The following MCTP1 variants were observed in gnomAD, a reference collection of about 807,000 sequenced individuals.
MCTP1 encodes the protein multiple C2 and transmembrane domain containing 1.
MCTP1 carries 69 observed loss-of-function variants against 120.6 expected under a neutral mutation model. That is an observed-to-expected ratio of 0.57 (90% CI 0.47 to 0.70). The LOEUF (loss-of-function observed/expected upper bound fraction) is 0.70, where lower values mean the gene tolerates loss of function less well. Among genes scored for constraint, MCTP1 ranks in the 30% least tolerant of loss-of-function variants. MCTP1 has a pLI of 0.00. For synonymous variants in MCTP1, 529 were observed against 493.1 expected, an observed-to-expected ratio of 1.07 and a Z score of -0.96; for missense variants, 1,203 against 1,248.8, an observed-to-expected ratio of 0.96 and a Z score of 0.55.
intron 8 of MCTP1, among the ~76,000 whole-genome samples, chr5:94,916,542 C>A (rs1366634557): frequency 6.6e-6 from 1 of 152,138 alleles, no homozygotes; most frequent in Non-Finnish European, 1.5e-5. Flanking sequence ...TACTTATTTT[C>A]AGAATCAAAG....
chr5:95,206,970 T>C (rs1751696124), intron 1 of MCTP1, among the ~76,000 whole-genome samples: 1 of 152,206 alleles, frequency 6.6e-6, no homozygotes, highest in African/African-American at 2.4e-5. Context: ...GAAGTCAAAT[T>C]ATATATTTAT....
At chr5:95,005,391 G>T (rs1376094694) in intron 2 of MCTP1, among the ~76,000 whole-genome samples, 1 of 149,412 alleles carries the variant, frequency 6.7e-6, no homozygotes, top group Non-Finnish European at 1.5e-5. Context: ...AGACATGATT[G>T]TGTTTTAAAA....
chr5:95,076,767 G>A (rs930443032), intron 1 of MCTP1, among the ~76,000 whole-genome samples: 1 of 152,188 alleles, frequency 6.6e-6, no homozygotes, highest in Non-Finnish European at 1.5e-5. Context: ...TTGTTTAGGG[G>A]TGGGGGAAAA....
chr5:95,163,536 A>C (rs920692040), intron 1 of MCTP1, among the ~76,000 whole-genome samples: 1 of 152,180 alleles, frequency 6.6e-6, no homozygotes, highest in Non-Finnish European at 1.5e-5. Context: ...CTATATAGAG[A>C]GCAGTAGGAC....
chr5:94,917,755 A>C, intron 8 of MCTP1, 141 bp downstream of exon 8: 1 of 608,146 alleles, frequency 1.6e-6, no homozygotes, highest in South Asian at 2.2e-5. Flanking sequence ...TCCTTGAAAA[A>C]AATTAAGATT....
chr5:95,135,949 G>T (rs1485603981), intron 1 of MCTP1, among the ~76,000 whole-genome samples: 1 of 152,200 alleles, frequency 6.6e-6, no homozygotes, highest in Non-Finnish European at 1.5e-5. Context: ...ACAAGCAAAT[G>T]TATTGAAAGC....
intron 1 of MCTP1, among the ~76,000 whole-genome samples, chr5:95,033,956 C>T (rs1199400847): frequency 6.6e-6 from 1 of 151,834 alleles, no homozygotes; most frequent in African/African-American, 2.4e-5. Flanking sequence ...AGTAAGAACT[C>T]AATCCCATTT....
intron 1 of MCTP1, among the ~76,000 whole-genome samples, chr5:95,047,188 G>A (rs763664893): frequency 3.3e-5 from 5 of 152,164 alleles, no homozygotes; most frequent in Non-Finnish European, 5.9e-5. Flanking sequence ...CTTGAAGACC[G>A]TTTGCTTTCC....
intron 1 of MCTP1, among the ~76,000 whole-genome samples, chr5:95,258,436 A>G (rs1444209112): frequency 6.6e-6 from 1 of 152,226 alleles, no homozygotes; most frequent in African/African-American, 2.4e-5. Flanking sequence ...AAAAACAAGA[A>G]AAGTTTGAGA....
intron 2 of MCTP1, among the ~76,000 whole-genome samples, chr5:94,956,132 A>T (rs936111730): frequency 6.6e-6 from 1 of 152,244 alleles, no homozygotes; most frequent in Non-Finnish European, 1.5e-5. Context: ...AACAGTCTGG[A>T]GTTGACCCCA....
intron 1 of MCTP1, among the ~76,000 whole-genome samples, chr5:95,178,667 T>A (rs1228751191): frequency 3.9e-5 from 6 of 152,128 alleles, no homozygotes; most frequent in African/African-American, 1.4e-4. Flanking sequence ...AGCAAAAGAA[T>A]CTGAACAGCA....
chr5:95,161,139 C>T (rs1255423751), intron 1 of MCTP1, among the ~76,000 whole-genome samples: 1 of 152,158 alleles, frequency 6.6e-6, no homozygotes. Flanking sequence ...GATATCTGTA[C>T]TTCCATGTTC....
At chr5:95,118,721 A>G (rs1161050281) in intron 1 of MCTP1, among the ~76,000 whole-genome samples, 1 of 152,206 alleles carries the variant, frequency 6.6e-6, no homozygotes, top group Non-Finnish European at 1.5e-5. Context: ...AAAAAGAGCA[A>G]AAGTGGCTAT....
chr5:95,141,079 C>G (rs1480606484), intron 1 of MCTP1, among the ~76,000 whole-genome samples: 1 of 152,022 alleles, frequency 6.6e-6, no homozygotes, highest in African/African-American at 2.4e-5. Flanking sequence ...TTTACCTATG[C>G]CATCTCTCTT....
intron 10 of MCTP1, among the ~76,000 whole-genome samples, chr5:94,908,971 T>C (rs112313984): frequency 4.6e-5 from 7 of 152,206 alleles, no homozygotes; most frequent in African/African-American, 1.7e-4. Context: ...ATGTATCTTA[T>C]ATCAGATGAA....
intron 1 of MCTP1, among the ~76,000 whole-genome samples, chr5:95,050,331 C>T (rs535107382): frequency 6.6e-6 from 1 of 152,188 alleles, no homozygotes; most frequent in Admixed American, 6.5e-5. Context: ...AATATCTTTA[C>T]TAAAAAGAAT....
intron 12 of MCTP1, among the ~76,000 whole-genome samples, chr5:94,878,445 A>T (rs1221561614): frequency 6.6e-6 from 1 of 152,132 alleles, no homozygotes; most frequent in Admixed American, 6.6e-5. Flanking sequence ...GTCATGAAGC[A>T]GATTTCATTA....
At chr5:94,905,570 A>T (rs1050311892) in intron 10 of MCTP1, among the ~76,000 whole-genome samples, 6 of 152,144 alleles carry the variant, frequency 3.9e-5, no homozygotes, top group Admixed American at 3.9e-4. Context: ...TTTGAAGAAA[A>T]ATTATCAGGT....
intron 17 of MCTP1, among the ~76,000 whole-genome samples, chr5:94,830,845 A>G (rs1788359158): frequency 6.6e-6 from 1 of 152,164 alleles, no homozygotes; most frequent in Non-Finnish European, 1.5e-5. Context: ...GGAAATATAG[A>G]ATGGTGAATA....
Sources: gnomAD v4.1 joint callset for allele counts (sites outside exome capture counted in the v4.1 genomes callset) on GRCh38, gnomAD v4.1.1 for gene constraint, MANE v1.5 for transcripts, NCBI Gene and HGNC (gene_info 2026-07-23, HGNC 2026-07-21) for gene names.